GABRG2: variants seen among roughly 807,000 people sequenced by gnomAD.
The protein encoded by GABRG2 is gamma-aminobutyric acid receptor subunit gamma-2.
A neutral mutation model predicts 56.4 loss-of-function variants in GABRG2; 16 were observed. The observed-to-expected ratio is 0.28, with a 90% CI of 0.19 to 0.43. The LOEUF is 0.43. Ranked by LOEUF, GABRG2 falls within the 20% of genes least tolerant of loss-of-function variation. The pLI, the probability that GABRG2 is intolerant of heterozygous loss-of-function variation, is 1.00. For missense variants in GABRG2, 327 were observed against 582.7 expected (o/e 0.56, Z 4.52); for synonymous variants, 208 against 205.5 (o/e 1.01, Z -0.10).
intron 1 of GABRG2, among the ~76,000 whole-genome samples, chr5:162,069,637 C>T (rs771796882): frequency 6.6e-6 from 1 of 152,028 alleles, no homozygotes; most frequent in African/African-American, 2.4e-5. Context: ...CTTTTTGTAC[C>T]TTACTAATTT....
intron 6 of GABRG2, among the ~76,000 whole-genome samples, chr5:162,141,813 C>A (rs918414845): frequency 6.6e-6 from 1 of 152,098 alleles, no homozygotes; most frequent in African/African-American, 2.4e-5. Context: ...AGACAAGATA[C>A]GCACAATGTA....
chr5:162,144,968 C>T (rs1764847671), intron 7 of GABRG2, among the ~76,000 whole-genome samples: 1 of 152,238 alleles, frequency 6.6e-6, no homozygotes, highest in Non-Finnish European at 1.5e-5. Context: ...GAAAAACAAA[C>T]AAACAAAAAA....
At position 162,097,618 on chromosome 5, in the gene GABRG2, T is replaced by G. The variant is rs74810777; in HGVS notation, c.328-20T>G. On this transcript the variant is annotated intron_variant, in intron 3 of 9. Transcript: ENST00000639213. ...ATCTTACTGTGTACAAATTTTCTGTTTATCATTTTATTAAAACAGGAATAC... is the reference window on the plus strand; with the variant it reads ...ATCTTACTGTGTACAAATTTTCTGTGTATCATTTTATTAAAACAGGAATAC... 4,642 of 1,553,666 alleles carry G rather than the reference T, an allele frequency of 3.0e-3. 104 individuals are homozygous for G. In the African/African-American group the frequency reaches 0.054, roughly 18 times the overall value.
At chr5:162,124,506 T>A (rs1763187029) in intron 6 of GABRG2, among the ~76,000 whole-genome samples, 1 of 151,672 alleles carries the variant, frequency 6.6e-6, no homozygotes, top group Admixed American at 6.6e-5. Flanking sequence ...GAAAAAGGAA[T>A]AGGAAGGAAT....
At position 162,149,788 on chromosome 5, in the gene GABRG2, A is replaced by G. The variant is rs531137318; in HGVS notation, c.1128+475A>G. ...GCCACCATGCCTGGTTAATTTTTGT[A>G]TTTTTAGTACAGACGGGGTTTCACC... On this transcript the variant is annotated intron_variant, in intron 8 of 9. Coordinates refer to ENST00000639213, the MANE Select transcript of GABRG2 (RefSeq NM_198904.4). 6 of 376,092 alleles carry G rather than the reference A, an allele frequency of 1.6e-5. No homozygotes were observed. The Middle Eastern group carries it at 2.8e-3, about 176-fold the overall frequency. The allele number at this position is 376,092 out of a possible 1,614,324, so 23.3% of individuals were successfully genotyped here. A position where few individuals can be genotyped will look rare whatever the true frequency, so the allele number is the denominator to read the frequency against.
intron 1 of GABRG2, among the ~76,000 whole-genome samples, chr5:162,092,659 G>A (rs1473509000): frequency 6.6e-6 from 1 of 152,062 alleles, no homozygotes; most frequent in African/African-American, 2.4e-5. Context: ...ATGAAGAAAG[G>A]TGATAAATCT....
intron 7 of GABRG2, among the ~76,000 whole-genome samples, chr5:162,145,871 T>C (rs1764915387): frequency 6.6e-6 from 1 of 152,196 alleles, no homozygotes; most frequent in Admixed American, 6.5e-5. Context: ...AAAATATCAG[T>C]TGTGATTAGG....
chr5:162,142,894 C>CGTA, intron 7 of GABRG2: 1 of 119,100 alleles, frequency 8.4e-6, no homozygotes, highest in Non-Finnish European at 1.7e-5. Context: ...AAACTTAAAG[C>CGTA]ATAATAAAAA....
intron 6 of GABRG2, among the ~76,000 whole-genome samples, chr5:162,108,371 A>C (rs1211107659): frequency 6.6e-6 from 1 of 152,178 alleles, no homozygotes; most frequent in Non-Finnish European, 1.5e-5. Context: ...ACAATTTCCC[A>C]GCTTGTGAAA....
Position 162,101,372 on chromosome 5 carries a change from T to G in GABRG2, c.631+55T>G, listed in dbSNP as rs55712126. On this transcript the variant is annotated intron_variant, in intron 5 of 9. Coordinates refer to ENST00000639213, the MANE Select transcript of GABRG2 (RefSeq NM_198904.4). ...CTCCCTCACCTACAGTCTTTCTGATTGCCATGTTAATTAATTGAAAGAAGC... is the reference window on the plus strand; with the variant it reads ...CTCCCTCACCTACAGTCTTTCTGATGGCCATGTTAATTAATTGAAAGAAGC... 0.028 allele frequency: 32,041 copies of G among 1,159,376 alleles called. 586 individuals carry two copies. Among genetic ancestry groups the G allele is most frequent in the Non-Finnish European group, 0.034 (25,931 of 767,654 alleles). The allele number at this position is 1,159,376 out of a possible 1,614,324, so 71.8% of individuals were successfully genotyped here. A position where few individuals can be genotyped will look rare whatever the true frequency, so the allele number is the denominator to read the frequency against.
Position 162,152,800 on chromosome 5 carries a change from A to G in GABRG2, c.1153-293A>G, listed in dbSNP as rs1012365976. On this transcript the variant is annotated intron_variant, in intron 9 of 9. Coordinates refer to ENST00000639213, the MANE Select transcript of GABRG2 (RefSeq NM_198904.4). ...CTAATACTTACTAGAATAAGATTCC[A>G]TGTAATTTGATTTAAATATTTAACT... 1.0e-4 allele frequency: 60 copies of G among 591,112 alleles called. 1 individual carries two copies. In the African/African-American group the frequency reaches 1.1e-3, roughly 11 times the overall value. 36.6% of individuals were successfully genotyped at this position (591,112 alleles called of 1,614,324 possible).
chr5:162,109,416 ATATATATT>A (rs1244703428), intron 6 of GABRG2, among the ~76,000 whole-genome samples: 22 of 87,538 alleles, frequency 2.5e-4, no homozygotes, highest in Non-Finnish European at 4.2e-4. Flanking sequence ...ATATATATAT[ATATATATT>A]TATTTATATA....
chr5:162,115,805 G>A (rs398690), intron 6 of GABRG2, among the ~76,000 whole-genome samples: 89,512 of 151,808 alleles, frequency 0.59, 26,625 homozygotes, highest in African/African-American at 0.65. Context: ...CCTGTGAGTC[G>A]GCAGTCAAAA....
At chr5:162,138,704 G>A (rs17060111) in intron 6 of GABRG2, among the ~76,000 whole-genome samples, 15,985 of 152,182 alleles carry the variant, frequency 0.11, 907 homozygotes, top group South Asian at 0.13. Flanking sequence ...TAAGAGTGAC[G>A]AGAGAGGCAC....
At chr5:162,116,332 G>A (rs1479585016) in intron 6 of GABRG2, among the ~76,000 whole-genome samples, 1 of 150,206 alleles carries the variant, frequency 6.7e-6, no homozygotes, top group Non-Finnish European at 1.5e-5. Flanking sequence ...GCTTAATCTA[G>A]ACAATGCTAT....
chr5:162,136,208 G>A (rs1426865903), intron 6 of GABRG2, among the ~76,000 whole-genome samples: 1 of 152,090 alleles, frequency 6.6e-6, no homozygotes, highest in Admixed American at 6.6e-5. Flanking sequence ...TCATACTGAG[G>A]TGCTCAAGGG....
intron 6 of GABRG2, among the ~76,000 whole-genome samples, chr5:162,134,082 CA>C (rs1374458078): frequency 6.6e-6 from 1 of 152,138 alleles, no homozygotes; most frequent in African/African-American, 2.4e-5. Flanking sequence ...GTCAGCTTTC[CA>C]CATTGTTTTT....
intron 6 of GABRG2, among the ~76,000 whole-genome samples, chr5:162,116,205 T>G (rs971892077): frequency 1.5e-4 from 22 of 151,190 alleles, no homozygotes; most frequent in African/African-American, 4.6e-4. Context: ...TTTATGTTCC[T>G]GTTATTGTTT....
At chr5:162,127,910 G>A (rs558834691) in intron 6 of GABRG2, among the ~76,000 whole-genome samples, 4 of 152,042 alleles carry the variant, frequency 2.6e-5, no homozygotes, top group Admixed American at 2.6e-4. Flanking sequence ...AAAACCACAT[G>A]GACGTAGTGA....
Sources: allele counts gnomAD v4.1 joint callset (sites outside exome capture counted in the v4.1 genomes callset), GRCh38; gene constraint gnomAD v4.1.1; transcripts MANE v1.5; gene names NCBI Gene and HGNC (gene_info 2026-07-23, HGNC 2026-07-21).